The following SEZ6L variants were observed in gnomAD, a reference collection of about 807,000 sequenced individuals.
SEZ6L encodes seizure related 6 homolog like, also known as seizure 6-like protein.
In SEZ6L, 37 loss-of-function variants were observed where a neutral mutation model predicts 106.2. That is an observed-to-expected ratio of 0.35 (90% CI 0.27 to 0.46). The LOEUF (loss-of-function observed/expected upper bound fraction) is 0.46, where lower values mean the gene tolerates loss of function less well. Among genes scored for constraint, SEZ6L ranks in the 20% least tolerant of loss-of-function variants. The pLI is 1.00. For missense variants in SEZ6L, 1,172 were observed against 1,332.8 expected (o/e 0.88, Z 1.88); for synonymous variants, 541 against 570.4 (o/e 0.95, Z 0.73).
At chr22:26,227,783 C>CTGTG (rs1182347455) in intron 1 of SEZ6L, among the ~76,000 whole-genome samples, 1 of 152,122 alleles carries the variant, frequency 6.6e-6, no homozygotes, top group African/African-American at 2.4e-5. Context: ...TGGGTGCTGA[C>CTGTG]TGTGTACAAG....
intron 1 of SEZ6L, among the ~76,000 whole-genome samples, chr22:26,286,694 T>C (rs2080943012): frequency 6.6e-6 from 1 of 152,008 alleles, no homozygotes; most frequent in South Asian, 2.1e-4. Flanking sequence ...TCCCAGGCAT[T>C]CTGCTGCGGC....
At chr22:26,290,868 GAATC>G (rs2081087507) in intron 1 of SEZ6L, among the ~76,000 whole-genome samples, 1 of 152,202 alleles carries the variant, frequency 6.6e-6, no homozygotes, top group Admixed American at 6.5e-5. Flanking sequence ...CCTCTGTTCT[GAATC>G]TGCCTCGTGA....
At chr22:26,253,172 T>C (rs1445346728) in intron 1 of SEZ6L, among the ~76,000 whole-genome samples, 1 of 152,178 alleles carries the variant, frequency 6.6e-6, no homozygotes, top group Non-Finnish European at 1.5e-5. Flanking sequence ...AGAATCACAG[T>C]GTAAGCAAAT....
chr22:26,197,944 C>G (rs1940684247), intron 1 of SEZ6L, among the ~76,000 whole-genome samples: 1 of 152,102 alleles, frequency 6.6e-6, no homozygotes, highest in Admixed American at 6.5e-5. Flanking sequence ...CCTAGGCAAC[C>G]CTGGCATGGT....
At chr22:26,277,718 G>A (rs768447415) in intron 1 of SEZ6L, among the ~76,000 whole-genome samples, 1 of 152,164 alleles carries the variant, frequency 6.6e-6, no homozygotes, top group Non-Finnish European at 1.5e-5. Context: ...AGGCACACTT[G>A]TGATTCATTA....
chr22:26,189,794 G>A (rs1383616130), intron 1 of SEZ6L, among the ~76,000 whole-genome samples: 3 of 152,128 alleles, frequency 2.0e-5, no homozygotes, highest in East Asian at 1.9e-4. Context: ...TCAGAATGAG[G>A]GACTCTTCCA....
intron 2 of SEZ6L, 114 bp downstream of exon 2, chr22:26,293,260 G>A (rs552535084): frequency 8.0e-6 from 11 of 1,373,674 alleles, no homozygotes; most frequent in African/African-American, 2.9e-5. Flanking sequence ...ATCAGTTACC[G>A]TCCATTGAGC....
At chr22:26,237,441 T>A (rs1484125195) in intron 1 of SEZ6L, among the ~76,000 whole-genome samples, 2 of 152,224 alleles carry the variant, frequency 1.3e-5, no homozygotes, top group African/African-American at 2.4e-5. Flanking sequence ...ATACAGTGGA[T>A]AAACCTGGCA....
At chr22:26,273,320 G>A (rs951637878) in intron 1 of SEZ6L, among the ~76,000 whole-genome samples, 5 of 152,390 alleles carry the variant, frequency 3.3e-5, no homozygotes, top group African/African-American at 4.8e-5. Flanking sequence ...GCACTGAGGC[G>A]CTCTGTGTAG....
At chr22:26,363,771 C>T (rs1188553066) in intron 12 of SEZ6L, among the ~76,000 whole-genome samples, 1 of 152,164 alleles carries the variant, frequency 6.6e-6, no homozygotes, top group Non-Finnish European at 1.5e-5. Flanking sequence ...CACAAGTGTC[C>T]ATCGATGGAT....
chr22:26,194,465 G>A (rs1194402570), intron 1 of SEZ6L, among the ~76,000 whole-genome samples: 2 of 152,166 alleles, frequency 1.3e-5, no homozygotes, highest in African/African-American at 4.8e-5. Flanking sequence ...AATTCAGAAA[G>A]CCTGGCGCTA....
chr22:26,171,247 C>T (rs1938585913), intron 1 of SEZ6L, among the ~76,000 whole-genome samples: 1 of 152,196 alleles, frequency 6.6e-6, no homozygotes, highest in African/African-American at 2.4e-5. Context: ...TGGACAGTTT[C>T]TCTGGGAAAG....
intron 4 of SEZ6L, among the ~76,000 whole-genome samples, chr22:26,297,780 T>C (rs1327899343): frequency 6.6e-6 from 1 of 151,776 alleles, no homozygotes. Context: ...TTTTATTTCT[T>C]CATTTCCTCC....
intron 16 of SEZ6L, among the ~76,000 whole-genome samples, chr22:26,378,156 C>G (rs2146090335): frequency 6.6e-6 from 1 of 152,310 alleles, no homozygotes; most frequent in Middle Eastern, 3.4e-3. Context: ...GTATCAGGTC[C>G]TATTTTAGGT....
chr22:26,356,259 T>C (rs555978531), intron 12 of SEZ6L, among the ~76,000 whole-genome samples: 16 of 152,352 alleles, frequency 1.1e-4, no homozygotes, highest in Non-Finnish European at 1.9e-4. Flanking sequence ...AACAACTGAA[T>C]GAGTAGTTAT....
intron 11 of SEZ6L, among the ~76,000 whole-genome samples, chr22:26,350,688 G>T (rs938353949): frequency 6.1e-5 from 8 of 131,606 alleles, no homozygotes; most frequent in African/African-American, 2.1e-4. Context: ...ATGGAGTCTC[G>T]CTCTGTCGCC....
intron 5 of SEZ6L, among the ~76,000 whole-genome samples, chr22:26,302,325 G>A (rs916146379): frequency 1.3e-5 from 2 of 152,152 alleles, no homozygotes; most frequent in African/African-American, 4.8e-5. Flanking sequence ...ATTACACCTG[G>A]AGAAGCACTG....
chr22:26,210,541 C>T lies in SEZ6L; in HGVS notation c.94+40778C>T, dbSNP rs568190734. On this transcript the variant is annotated intron_variant, in intron 1 of 16. Transcript: ENST00000248933. ...TAATGTAATTCCGATGTCAGTGACA[C>T]GCCACAGTGGCCTAGTCAGCTTCCC... 1.8e-4 allele frequency among the ~76,000 whole-genome samples: 28 copies of T among 152,324 alleles called. No individual in the cohort carries two copies. The South Asian group carries it at 2.7e-3, about 15-fold the overall frequency.
At chr22:26,194,584 T>TG (rs1207489313) in intron 1 of SEZ6L, among the ~76,000 whole-genome samples, 1 of 152,180 alleles carries the variant, frequency 6.6e-6, no homozygotes, top group Non-Finnish European at 1.5e-5. Flanking sequence ...AATCAACCAT[T>TG]GGACATAATA....
Sources: gnomAD v4.1 joint callset for allele counts (sites outside exome capture counted in the v4.1 genomes callset) on GRCh38, gnomAD v4.1.1 for gene constraint, MANE v1.5 for transcripts, NCBI Gene and HGNC (gene_info 2026-07-23, HGNC 2026-07-21) for gene names.